The following LARGE1 variants were observed in gnomAD, a reference collection of about 807,000 sequenced individuals.
LARGE1 encodes the protein LARGE xylosyl- and glucuronyltransferase 1.
Under a neutral mutation model 87.6 loss-of-function variants are expected in LARGE1, and 43 were observed. The ratio of observed to expected loss-of-function variants is 0.49; its 90% confidence interval spans 0.38 to 0.63. The LOEUF (loss-of-function observed/expected upper bound fraction) is 0.63, where lower values mean the gene tolerates loss of function less well. Among genes scored for constraint, LARGE1 ranks in the 30% least tolerant of loss-of-function variants. LARGE1 has a pLI of 0.00. For synonymous variants in LARGE1, 434 were observed against 394.6 expected, an observed-to-expected ratio of 1.10 and a Z score of -1.18; for missense variants, 802 against 1,000.2, an observed-to-expected ratio of 0.80 and a Z score of 2.67.
At chr22:33,396,193 C>T (rs1158098256) in intron 7 of LARGE1, among the ~76,000 whole-genome samples, 1 of 152,268 alleles carries the variant, frequency 6.6e-6, no homozygotes, top group African/African-American at 2.4e-5. Flanking sequence ...TGCAGACTCT[C>T]ATCTCAGAAA....
the LARGE1 span, among the ~76,000 whole-genome samples, chr22:33,080,387 A>G: frequency 6.6e-6 from 1 of 152,238 alleles, no homozygotes; most frequent in Non-Finnish European, 1.5e-5. Context: ...TTGTAGGTTC[A>G]TGGGAATTCC....
intron 6 of LARGE1, among the ~76,000 whole-genome samples, chr22:33,481,969 CAGTT>C (rs1465228685): frequency 9.9e-5 from 15 of 152,148 alleles, no homozygotes; most frequent in Non-Finnish European, 1.6e-4. Context: ...ACCTACCAGA[CAGTT>C]AGGTCAACTT....
At chr22:33,352,990 A>C (rs1011102356) in intron 9 of LARGE1, among the ~76,000 whole-genome samples, 4 of 152,238 alleles carry the variant, frequency 2.6e-5, no homozygotes, top group Admixed American at 2.6e-4. Flanking sequence ...TTCTGTTCCC[A>C]GTATAAGCTC....
At chr22:33,546,201 C>T (rs1248923831) in intron 6 of LARGE1, among the ~76,000 whole-genome samples, 3 of 152,210 alleles carry the variant, frequency 2.0e-5, no homozygotes, top group South Asian at 2.1e-4. Context: ...ACCTACTTTT[C>T]GATCTGCCAT....
intron 5 of LARGE1, among the ~76,000 whole-genome samples, chr22:33,600,926 C>T (rs969464989): frequency 6.6e-6 from 1 of 152,032 alleles, no homozygotes; most frequent in Non-Finnish European, 1.5e-5. Flanking sequence ...TTAGCTGGGC[C>T]TGGTAGTGCA....
intron 4 of LARGE1, among the ~76,000 whole-genome samples, chr22:33,606,186 A>G (rs1219166425): frequency 1.3e-5 from 2 of 152,112 alleles, no homozygotes; most frequent in Non-Finnish European, 2.9e-5. Context: ...TGGGTAGATA[A>G]TGAGATCAGG....
At chr22:33,293,555 T>C (rs1932883131) in intron 12 of LARGE1, among the ~76,000 whole-genome samples, 2 of 152,092 alleles carry the variant, frequency 1.3e-5, no homozygotes, top group Admixed American at 1.3e-4. Context: ...TTCCCAACCT[T>C]GCAACTGGAA....
chr22:33,076,948 G>T, the LARGE1 span, among the ~76,000 whole-genome samples: 1 of 152,130 alleles, frequency 6.6e-6, no homozygotes, highest in African/African-American at 2.4e-5. Flanking sequence ...GAGGTCTCTG[G>T]AATCAGACTG....
intron 6 of LARGE1, among the ~76,000 whole-genome samples, chr22:33,485,209 GGTCTGA>G (rs751192980): frequency 1.3e-5 from 2 of 149,326 alleles, no homozygotes; most frequent in East Asian, 2.0e-4. Context: ...CACCGCGTCC[GGTCTGA>G]GTCTTTTTTT....
chr22:33,678,746 G>C lies in LARGE1; in HGVS notation c.107-28078C>G, dbSNP rs2081654924. ...GACACACCCTCCACGAATGAGAGCAGAGCGCACCATGGGACAGAACCCTGC... is the reference window on the plus strand; with the variant it reads ...GACACACCCTCCACGAATGAGAGCACAGCGCACCATGGGACAGAACCCTGC... On this transcript the variant is annotated intron_variant, in intron 2 of 14. Coordinates refer to ENST00000397394, the MANE Select transcript of LARGE1 (RefSeq NM_133642.5). Among the ~76,000 whole-genome samples, 4 of 152,204 alleles carry C rather than the reference G, an allele frequency of 2.6e-5. No homozygotes were observed. In the South Asian group the frequency reaches 8.3e-4, roughly 32 times the overall value.
chr22:33,854,212 GAAAAA>G (rs67771177), intron 1 of LARGE1, among the ~76,000 whole-genome samples: 1 of 72,694 alleles, frequency 1.4e-5, no homozygotes, highest in African/African-American at 5.1e-5. Context: ...CACTTAAGGG[GAAAAA>G]AAAAAAAAAA....
intron 11 of LARGE1, among the ~76,000 whole-genome samples, chr22:33,195,683 G>GAAATATTT (rs1924027233): frequency 6.6e-6 from 1 of 151,072 alleles, no homozygotes; most frequent in Non-Finnish European, 1.5e-5. Context: ...AATGCTTAAA[G>GAAATATTT]AAATATTTAT....
In LARGE1 at chr22:33,810,152, C is replaced by T. The variant is rs182587784; in HGVS notation, c.-82-48594G>A. Among the ~76,000 whole-genome samples, 284 of 152,242 alleles carry T rather than the reference C, an allele frequency of 1.9e-3. 1 individual carries two copies. The highest frequency in any genetic ancestry group is 6.4e-3 in the African/African-American group (264 of 41,538). On this transcript the variant is annotated intron_variant, in intron 1 of 14. Transcript: ENST00000397394. ...TGACAAAATTATAAAACTTTTCAAC[C>T]CATTATCTCATGGAATATGTAACAA...
At chr22:33,807,503 C>G (rs2086349903) in intron 1 of LARGE1, among the ~76,000 whole-genome samples, 1 of 152,172 alleles carries the variant, frequency 6.6e-6, no homozygotes, top group Non-Finnish European at 1.5e-5. Context: ...TTTCTTACAA[C>G]TGGTGAGCCT....
chr22:33,818,196 G>A (rs895161999), intron 1 of LARGE1, among the ~76,000 whole-genome samples: 9 of 152,160 alleles, frequency 5.9e-5, no homozygotes, highest in African/African-American at 2.2e-4. Flanking sequence ...TTCCCATCCA[G>A]CTGTGCCCCC....
intron 11 of LARGE1, among the ~76,000 whole-genome samples, chr22:33,180,743 A>G (rs1201144715): frequency 6.6e-6 from 1 of 152,188 alleles, no homozygotes; most frequent in Non-Finnish European, 1.5e-5. Flanking sequence ...TTTGGCAATT[A>G]AAAGGAATGT....
At chr22:33,712,651 T>A (rs1048677677) in intron 2 of LARGE1, among the ~76,000 whole-genome samples, 2 of 148,796 alleles carry the variant, frequency 1.3e-5, no homozygotes, top group African/African-American at 5.0e-5. Context: ...TGTGTGTGTG[T>A]GTGTGTGTGT....
chr22:33,509,998 A>C (rs921553787), intron 6 of LARGE1, among the ~76,000 whole-genome samples: 19 of 152,140 alleles, frequency 1.2e-4, no homozygotes, highest in Admixed American at 1.0e-3. Flanking sequence ...TTGAAACCTA[A>C]AGAACAAGAA....
At chr22:33,900,717 G>A (rs2065259646) in intron 1 of LARGE1, among the ~76,000 whole-genome samples, 1 of 152,198 alleles carries the variant, frequency 6.6e-6, no homozygotes, top group South Asian at 2.1e-4. Context: ...AGGTCATTAG[G>A]TGGAACTTAA....
Sources: allele counts gnomAD v4.1 joint callset (sites outside exome capture counted in the v4.1 genomes callset), GRCh38; gene constraint gnomAD v4.1.1; transcripts MANE v1.5; gene names NCBI Gene and HGNC (gene_info 2026-07-23, HGNC 2026-07-21).